EIF1: variants seen among roughly 807,000 people sequenced by gnomAD.
EIF1 encodes the protein protein translation factor SUI1 homolog.
A neutral mutation model predicts 13.7 loss-of-function variants in EIF1; 4 were observed. That is an observed-to-expected ratio of 0.29 (90% CI 0.14 to 0.67). The LOEUF is 0.67. Among genes scored for constraint, EIF1 ranks in the 30% least tolerant of loss-of-function variants. EIF1 has a pLI of 0.77. For missense variants in EIF1, 64 were observed against 138.0 expected (o/e 0.46, Z 2.69); for synonymous variants, 67 against 50.7 (o/e 1.32, Z -1.37).
At chr17:41,689,225 C>G in intron 1 of EIF1, 156 bp downstream of exon 1, 1 of 876,544 alleles carries the variant, frequency 1.1e-6, no homozygotes, top group Non-Finnish European at 1.8e-6. Flanking sequence ...AAGGCCTGGG[C>G]CCCGGGGTCG....
intron 3 of EIF1, 136 bp downstream of exon 3, chr17:41,690,325 C>T (rs765293004): frequency 1.2e-5 from 8 of 645,430 alleles, no homozygotes; most frequent in Admixed American, 3.2e-5. Context: ...AGTACATAGA[C>T]TTATTTCTGT....
intron 1 of EIF1, 71 bp from the exon 2 acceptor site, chr17:41,689,707 C>T (rs1910316639): frequency 3.4e-6 from 5 of 1,480,654 alleles, no homozygotes; most frequent in Non-Finnish European, 3.6e-6. Flanking sequence ...CGCAAAACAC[C>T]TGGGGACCGA....
chr17:41,692,044 T>TGA lies in EIF1; in HGVS notation c.*1218_*1219insGA, dbSNP rs1177010273. 4 of 152,376 alleles carry TGA rather than the reference T, an allele frequency of 2.6e-5. No homozygotes were observed. In the East Asian group the frequency reaches 5.8e-4, roughly 22 times the overall value. The allele number at this position is 152,376 out of a possible 1,614,324, so 9.4% of individuals were successfully genotyped here. On this transcript the variant is annotated 3_prime_UTR_variant, in exon 4 of 4. Transcript: ENST00000469257. ...CACCTGGCCTCAAGTGATCTGCCTG[T>TGA]CTTGGCCTCCCAAAGTGCTGGGATT...
intron 3 of EIF1, 48 bp downstream of exon 3, chr17:41,690,237 A>G: frequency 6.6e-7 from 1 of 1,511,170 alleles, no homozygotes; most frequent in Non-Finnish European, 9.2e-7. Flanking sequence ...GGCAAATCTC[A>G]GATCCTGTCT....
chr17:41,689,614 G>C, intron 1 of EIF1, 164 bp from the exon 2 acceptor site: 1 of 658,024 alleles, frequency 1.5e-6, no homozygotes, highest in Non-Finnish European at 2.4e-6. Context: ...GGCCGTCCCG[G>C]ACTGACCTGC....
In EIF1 at chr17:41,688,922, C is replaced by A. The variant is rs908028106; in HGVS notation, c.-117C>A. Reference sequence around the variant, plus strand: ...GAGCCGCCGCCGAGGATTCAGCAGCCTCCCCCTTGAGCCCCCTCGCTTCCC... The same window carrying A: ...GAGCCGCCGCCGAGGATTCAGCAGCATCCCCCTTGAGCCCCCTCGCTTCCC... On this transcript the variant is annotated 5_prime_UTR_variant, in exon 1 of 4. Coordinates refer to ENST00000469257, the MANE Select transcript of EIF1 (RefSeq NM_005801.4). The A allele has an allele frequency of 9.6e-7, 1 of 1,042,564 alleles. No homozygotes were observed. The highest frequency in any genetic ancestry group is 1.4e-6 in the Non-Finnish European group (1 of 696,550). The allele number at this position is 1,042,564 out of a possible 1,614,324, so 64.6% of individuals were successfully genotyped here.
At position 41,691,825 on chromosome 17, in the gene EIF1, A is replaced by C. The variant is rs1395301669; in HGVS notation, c.*999A>C. ...TGGTTTTTTGTTCGTTTGTTTTTTG[A>C]GACAGGTTTGCCCTTGTTGCCCAGG... On this transcript the variant is annotated 3_prime_UTR_variant, in exon 4 of 4. Coordinates refer to ENST00000469257, the MANE Select transcript of EIF1 (RefSeq NM_005801.4). 1 of 152,254 alleles carries C rather than the reference A, an allele frequency of 6.6e-6. No homozygotes were observed. Among genetic ancestry groups the C allele is most frequent in the African/African-American group, 2.4e-5 (1 of 41,438 alleles). The allele number at this position is 152,254 out of a possible 1,614,324, so 9.4% of individuals were successfully genotyped here. A position where few individuals can be genotyped will look rare whatever the true frequency, so the allele number is the denominator to read the frequency against.
At chr17:41,689,375 T>G in intron 1 of EIF1, 1 of 542,508 alleles carries the variant, frequency 1.8e-6, no homozygotes, top group Non-Finnish European at 3.3e-6. Flanking sequence ...TCACGTCCGT[T>G]ACGTCACCAC....
intron 3 of EIF1, 99 bp from the exon 4 acceptor site, chr17:41,690,683 G>T: frequency 7.3e-7 from 1 of 1,365,004 alleles, no homozygotes; most frequent in Non-Finnish European, 1.0e-6. Flanking sequence ...CTGGCTCTTG[G>T]GCAGTGTAGT....
At chr17:41,689,404 AG>A in intron 1 of EIF1, 2 of 515,738 alleles carry the variant, frequency 3.9e-6, no homozygotes, top group East Asian at 6.7e-5. Flanking sequence ...ACGGATCCGG[AG>A]GGAAAGGCGG....
rs1031919988 is a variant in EIF1, at chr17:41,692,324, T to G, written c.*1498T>G. 5 of 152,152 alleles carry G rather than the reference T, an allele frequency of 3.3e-5. No individual in the cohort carries two copies. The highest frequency in any genetic ancestry group is 4.8e-5 in the African/African-American group (2 of 41,426). The allele number at this position is 152,152 out of a possible 1,614,324, so 9.4% of individuals were successfully genotyped here. On this transcript the variant is annotated 3_prime_UTR_variant, in exon 4 of 4. Transcript: ENST00000469257. ...TACTCTGGGTAGTAAGTTTGTAGTATTAGAAGGTTTAATGACAAGTATTTG... is the reference window on the plus strand; with the variant it reads ...TACTCTGGGTAGTAAGTTTGTAGTAGTAGAAGGTTTAATGACAAGTATTTG...
chr17:41,690,031 G>C, intron 2 of EIF1, 57 bp from the exon 3 acceptor site: 1 of 1,609,876 alleles, frequency 6.2e-7, no homozygotes, highest in South Asian at 1.1e-5. Flanking sequence ...AGCGGAAGGG[G>C]TGATAAATGC....
rs757194475 is a variant in EIF1, at chr17:41,689,767, T to A, written c.32-11T>A. The A allele has an allele frequency of 1.3e-6, 2 of 1,573,726 alleles. No homozygotes were observed. Among genetic ancestry groups the A allele is most frequent in the Non-Finnish European group, 8.6e-7 (1 of 1,157,934 alleles). On this transcript the variant is annotated splice_polypyrimidine_tract_variant and intron_variant, in intron 1 of 3. Coordinates refer to ENST00000469257, the MANE Select transcript of EIF1 (RefSeq NM_005801.4). ...TTGACAGCTCTGAACGAGCTTAACCTTTTTTTTCAGACCCCTTTGCTGATG... is the reference window on the plus strand; with the variant it reads ...TTGACAGCTCTGAACGAGCTTAACCATTTTTTTCAGACCCCTTTGCTGATG...
At chr17:41,690,748 C>G in intron 3 of EIF1, 34 bp from the exon 4 acceptor site, 2 of 1,612,668 alleles carry the variant, frequency 1.2e-6, no homozygotes, top group Non-Finnish European at 1.7e-6. Context: ...TCTCCCTGTC[C>G]CCCATTTAAA....
At chr17:41,690,740 T>A (rs1910351793) in intron 3 of EIF1, 42 bp from the exon 4 acceptor site, 1 of 1,610,308 alleles carries the variant, frequency 6.2e-7, no homozygotes, top group Non-Finnish European at 8.5e-7. Flanking sequence ...GCTTTAACTC[T>A]CCCTGTCCCC....
In EIF1 at chr17:41,691,196, C is replaced by G. The variant is rs1039706433; in HGVS notation, c.*370C>G. On this transcript the variant is annotated 3_prime_UTR_variant, in exon 4 of 4. Coordinates refer to ENST00000469257, the MANE Select transcript of EIF1 (RefSeq NM_005801.4). ...CCCTAAGAGAATGTTACCACCTGAA[C>G]AGTCCTCGGTGAATCTGAGAGGAGA... The G allele has an allele frequency of 9.1e-6, 4 of 437,516 alleles. No homozygotes were observed. The Admixed American group carries it at 1.1e-4, about 12-fold the overall frequency. 27.1% of individuals were successfully genotyped at this position (437,516 alleles called of 1,614,324 possible).
At position 41,688,907 on chromosome 17, in the gene EIF1, C is replaced by T. The variant is rs925808881; in HGVS notation, c.-132C>T. ...TCTGCCCCAGTCACTGAGCCGCCGC[C>T]GAGGATTCAGCAGCCTCCCCCTTGA... On this transcript the variant is annotated 5_prime_UTR_variant, in exon 1 of 4. Transcript: ENST00000469257. The T allele has an allele frequency of 1.3e-4, 111 of 883,592 alleles. No homozygotes were observed. Among genetic ancestry groups the T allele is most frequent in the Admixed American group, 2.0e-4 (9 of 44,718 alleles). 54.7% of individuals were successfully genotyped at this position (883,592 alleles called of 1,614,324 possible). A position where few individuals can be genotyped will look rare whatever the true frequency, so the allele number is the denominator to read the frequency against.
At chr17:41,690,747 C>T in intron 3 of EIF1, 35 bp from the exon 4 acceptor site, 1 of 1,612,478 alleles carries the variant, frequency 6.2e-7, no homozygotes, top group Non-Finnish European at 8.5e-7. Context: ...CTCTCCCTGT[C>T]CCCCATTTAA....
At chr17:41,689,171 C>A in intron 1 of EIF1, 102 bp downstream of exon 1, 2 of 1,366,904 alleles carry the variant, frequency 1.5e-6, no homozygotes, top group Non-Finnish European at 2.1e-6. Flanking sequence ...CCTTCGTAAG[C>A]TCGGGCAGGG....
Sources: gnomAD v4.1 joint callset for allele counts on GRCh38, gnomAD v4.1.1 for gene constraint, MANE v1.5 for transcripts, NCBI Gene and HGNC (gene_info 2026-07-23, HGNC 2026-07-21) for gene names.